Variants in DHRS13 observed in about 807,000 individuals in gnomAD.
DHRS13 encodes dehydrogenase/reductase 13.
Under a neutral mutation model 17.9 loss-of-function variants are expected in DHRS13, and 22 were observed. The observed-to-expected ratio is 1.23, with a 90% CI of 0.88 to 1.75. The LOEUF (loss-of-function observed/expected upper bound fraction) is 1.75. DHRS13 is among the 40% of genes most tolerant of loss of function. DHRS13 has a pLI of 0.00. For missense variants in DHRS13, 483 were observed against 519.9 expected, an observed-to-expected ratio of 0.93 and a Z score of 0.69; for synonymous variants, 206 against 220.4, an observed-to-expected ratio of 0.93 and a Z score of 0.58.
Position 28,900,318 on chromosome 17 carries a change from C to T in DHRS13, c.682+672G>A, listed in dbSNP as rs146455810. ...TGCTGGGATTACAGGCATGAGCCAC[C>T]GCTTCCAGCCCCTCTGCACTTATTA... On this transcript the variant is annotated intron_variant, in intron 4 of 4. Transcript: ENST00000378895. Among the ~76,000 whole-genome samples the T allele has an allele frequency of 5.3e-4, 81 of 152,350 alleles. 2 individuals carry two copies. In the South Asian group the frequency reaches 8.1e-3, roughly 15 times the overall value.
In DHRS13 at chr17:28,900,987, C is replaced by A. The variant is rs1308235716; in HGVS notation, c.682+3G>T. The A allele has an allele frequency of 6.3e-7, 1 of 1,584,266 alleles. No homozygotes were observed. Among genetic ancestry groups the A allele is most frequent in the South Asian group, 1.2e-5 (1 of 86,940 alleles). On this transcript the variant is annotated splice_donor_region_variant and intron_variant, in intron 4 of 4. Transcript: ENST00000378895. Reference sequence around the variant, plus strand: ...AATCGGAAGCCAAAGAACCAGACCTCACCTGGGTGGGCTGCATAGCAGGTG... The same window carrying A: ...AATCGGAAGCCAAAGAACCAGACCTAACCTGGGTGGGCTGCATAGCAGGTG...
Position 28,903,019 on chromosome 17 carries a change from C to G in DHRS13, c.-75G>C, listed in dbSNP as rs954961790. 2 of 1,272,498 alleles carry G rather than the reference C, an allele frequency of 1.6e-6. No individual in the cohort carries two copies. 78.8% of individuals were successfully genotyped at this position (1,272,498 alleles called of 1,614,324 possible). On this transcript the variant is annotated 5_prime_UTR_variant, in exon 1 of 5. Coordinates refer to ENST00000378895, the MANE Select transcript of DHRS13 (RefSeq NM_144683.4). The surrounding 1 kb of genome is among the most constrained non-coding windows in gnomAD (Gnocchi z 4.8). Reference sequence around the variant, plus strand: ...GCCGCCAGGCGGCTGCCGATCCGCCCTGCACAGGCCTGGAACGGCGCCCGG... The same window carrying G: ...GCCGCCAGGCGGCTGCCGATCCGCCGTGCACAGGCCTGGAACGGCGCCCGG...
In DHRS13 at chr17:28,898,695, C is replaced by T; in HGVS notation, c.880G>A (p.Ala294Thr). 3 of 1,613,776 alleles carry T rather than the reference C, an allele frequency of 1.9e-6. No individual in the cohort carries two copies. Among genetic ancestry groups the T allele is most frequent in the South Asian group, 1.1e-5 (1 of 90,992 alleles). ...CGATGGGCTGCCCGGTCGTCTCGGG[C>T]AGCTGGAGGCACCTCTTCCACATGG... ...NCHVEEVPPA[A>T]RDDRAAHRLW... Residue 294 changes from alanine (A) to threonine (T), a missense_variant, in exon 5 of 5, where the codon GCC (alanine) becomes ACC (threonine). Transcript: ENST00000378895.
At position 28,902,602 on chromosome 17, in the gene DHRS13, G is replaced by A. The variant is rs2039815063; in HGVS notation, c.227C>T (p.Ala76Val). 1.4e-6 allele frequency: 2 copies of A among 1,477,250 alleles called. No individual in the cohort carries two copies. The highest frequency in any genetic ancestry group is 1.5e-5 in the African/African-American group (1 of 68,202). The allele number at this position is 1,477,250 out of a possible 1,614,324, so 91.5% of individuals were successfully genotyped here. ...TCTCACCTGGCGGAGGTCGAAGGCA[G>A]CCGCCTCCCCGCGCTCCTGGCTGCG... Reference protein sequence around the residue: ...ACRSQERGEAAAFDLRQESGN... With the variant: ...ACRSQERGEAVAFDLRQESGN... The change falls in exon 2 of 5, where the codon GCT (alanine) becomes GTT (valine). Residue 76 changes from alanine to valine, a missense_variant. By Grantham distance (64) the Ala-to-Val change is moderately conservative (BLOSUM62 0). Transcript: ENST00000378895. The surrounding 1 kb of genome is among the most constrained non-coding windows in gnomAD (Gnocchi z 4.0).
Position 28,902,439 on chromosome 17 carries a change from G to T in DHRS13, c.246+144C>A. The stretch of plus-strand genomic sequence containing the variant: ...TGCGCCTTCCTCGGGTGACCCCAGC[G>T]CTCCGTGCACTCCCTCTTCGCGCTC... On this transcript the variant is annotated intron_variant, in intron 2 of 4. Transcript: ENST00000378895. This position sits in a 1 kb window ranked among gnomAD's most constrained non-coding sequence, Gnocchi z 4.0. 1.1e-6 allele frequency: 1 copy of T among 884,624 alleles called. No homozygotes were observed. Among genetic ancestry groups the T allele is most frequent in the Non-Finnish European group, 1.6e-6 (1 of 637,824 alleles). The allele number at this position is 884,624 out of a possible 1,614,324, so 54.8% of individuals were successfully genotyped here.
rs762759248 is a variant in DHRS13, at chr17:28,901,239, C to A, written c.433G>T (p.Gly145Cys). The change falls in exon 4 of 5, where the codon GGT becomes TGT. Residue 145 changes from glycine to cysteine, a missense_variant. Gly to Cys is a radical substitution (Grantham distance 159). Coordinates refer to ENST00000378895, the MANE Select transcript of DHRS13 (RefSeq NM_144683.4). This position sits in a 1 kb window ranked among gnomAD's most constrained non-coding sequence, Gnocchi z 4.3. ...FNLLLRVNHIGPFLLTHLLLP... is the reference protein window; with the variant it reads ...FNLLLRVNHICPFLLTHLLLP... ...AGCAGATGTGTCAGCAGAAAGGGACCGATATGGTTCACCCGAAGCAGCAGG... is the reference window on the plus strand; with the variant it reads ...AGCAGATGTGTCAGCAGAAAGGGACAGATATGGTTCACCCGAAGCAGCAGG... 1.9e-6 allele frequency: 3 copies of A among 1,614,104 alleles called. No individual in the cohort carries two copies. The highest frequency in any genetic ancestry group is 1.1e-5 in the South Asian group (1 of 91,078).
At position 28,901,589 on chromosome 17, in the gene DHRS13, TGAA is replaced by T. The variant is rs1567942671; in HGVS notation, c.271_273del (p.Phe91del). 1 of 1,614,226 alleles carries T rather than the reference TGAA, an allele frequency of 6.2e-7. No homozygotes were observed. The highest frequency in any genetic ancestry group is 8.5e-7 in the Non-Finnish European group (1 of 1,180,032). ...GCCAGACTGGCCAAGTCCAAGGCCA[TGAA>T]GATGACCTCATTGTTCCCACTCTCC... On this transcript the variant is annotated inframe_deletion, in exon 3 of 5. Transcript: ENST00000378895. This position sits in a 1 kb window ranked among gnomAD's most constrained non-coding sequence, Gnocchi z 4.3.
Position 28,901,107 on chromosome 17 carries a change from C to G in DHRS13, c.565G>C (p.Gly189Arg). The change falls in exon 4 of 5, where the codon GGC becomes CGC. Residue 189 changes from glycine (G) to arginine (R), a missense_variant. Coordinates refer to ENST00000378895, the MANE Select transcript of DHRS13 (RefSeq NM_144683.4). The surrounding 1 kb of genome is among the most constrained non-coding windows in gnomAD (Gnocchi z 4.3). ...TATGCCCGCAGCTCCTGCCGCCAGC[C>G]CACCACTGGGCGGTCCAGGCGTTTG... ...DFKRLDRPVV[G>R]WRQELRAYAD... The G allele has an allele frequency of 6.2e-7, 1 of 1,614,188 alleles. No individual in the cohort carries two copies. The highest frequency in any genetic ancestry group is 1.1e-5 in the South Asian group (1 of 91,086).
rs199664494 is a variant in DHRS13, at chr17:28,901,240, G to C, written c.432C>G (p.Ile144Met). ...AFNLLLRVNH[I>M]GPFLLTHLLL... ...GCAGATGTGTCAGCAGAAAGGGACC[G>C]ATATGGTTCACCCGAAGCAGCAGGT... The change falls in exon 4 of 5, where the codon ATC becomes ATG. Residue 144 changes from isoleucine to methionine, a missense_variant. Transcript: ENST00000378895. This position sits in a 1 kb window ranked among gnomAD's most constrained non-coding sequence, Gnocchi z 4.3. The C allele has an allele frequency of 1.5e-5, 25 of 1,614,154 alleles. No homozygotes were observed. Among genetic ancestry groups the C allele is most frequent in the Non-Finnish European group, 2.1e-5 (25 of 1,180,004 alleles).
Position 28,898,820 on chromosome 17 carries a change from C to G in DHRS13, c.755G>C (p.Trp252Ser), listed in dbSNP as rs1290966154. Residue 252 changes from tryptophan (W) to serine (S), a missense_variant, in exon 5 of 5, where the codon TGG becomes TCG. Transcript: ENST00000378895. ...WLRPLLRPLA[W>S]LVLRAPRGGA... ...CCCTCTTGGTGCCCGGAGCACCAGC[C>G]AAGCCAATGGGCGCAAAAGTGGGCG... The G allele has an allele frequency of 6.2e-7, 1 of 1,609,168 alleles. No homozygotes were observed. The highest frequency in any genetic ancestry group is 1.3e-5 in the African/African-American group (1 of 74,938).
In DHRS13 at chr17:28,902,630, A is replaced by G. The variant is rs987667805; in HGVS notation, c.199T>C (p.Cys67Arg). 3 of 1,453,848 alleles carry G rather than the reference A, an allele frequency of 2.1e-6. No homozygotes were observed. Among genetic ancestry groups the G allele is most frequent in the Non-Finnish European group, 2.7e-6 (3 of 1,110,558 alleles). 90.1% of individuals were successfully genotyped at this position (1,453,848 alleles called of 1,614,324 possible). A position where few individuals can be genotyped will look rare whatever the true frequency, so the allele number is the denominator to read the frequency against. ...GCCTCCCCGCGCTCCTGGCTGCGGCAGGCCAGCACCACGCGCGCTCCCCGG... is the reference window on the plus strand; with the variant it reads ...GCCTCCCCGCGCTCCTGGCTGCGGCGGGCCAGCACCACGCGCGCTCCCCGG... Reference protein sequence around the residue: ...ARRGARVVLACRSQERGEAAA... With the variant: ...ARRGARVVLARRSQERGEAAA... Residue 67 changes from cysteine to arginine, a missense_variant, in exon 2 of 5, where the codon TGC becomes CGC. Coordinates refer to ENST00000378895, the MANE Select transcript of DHRS13 (RefSeq NM_144683.4). The surrounding 1 kb of genome is among the most constrained non-coding windows in gnomAD (Gnocchi z 4.0).
In DHRS13 at chr17:28,899,554, A is replaced by T. The variant is rs1350491474; in HGVS notation, c.683-662T>A. ...CCCCAATTATCTCACTCAGAGTAAA[A>T]GCCAGAATGCCTATAGTGAACCTCC... is the stretch of plus-strand genomic sequence containing the variant. On this transcript the variant is annotated intron_variant, in intron 4 of 4. Coordinates refer to ENST00000378895, the MANE Select transcript of DHRS13 (RefSeq NM_144683.4). The surrounding 1 kb of genome is among the most constrained non-coding windows in gnomAD (Gnocchi z 4.7). 6.6e-6 allele frequency: 1 copy of T among 152,330 alleles called. No individual in the cohort carries two copies. Among genetic ancestry groups the T allele is most frequent in the East Asian group, 1.9e-4 (1 of 5,198 alleles). 9.4% of individuals were successfully genotyped at this position (152,330 alleles called of 1,614,324 possible).
At position 28,898,868 on chromosome 17, in the gene DHRS13, A is replaced by G. The variant is rs778103488; in HGVS notation, c.707T>C (p.Leu236Pro). The change falls in exon 5 of 5, where the codon CTG becomes CCG. Residue 236 changes from leucine to proline, a missense_variant. Transcript: ENST00000378895. ...GCGCAGCCATCCAGGAACATGGCGC[A>G]GGAACAGCTCCGAGTTCACAGGCCC... ...HPGPVNSELF[L>P]RHVPGWLRPL... 6.3e-7 allele frequency: 1 copy of G among 1,595,374 alleles called. No individual in the cohort carries two copies. Among genetic ancestry groups the G allele is most frequent in the Non-Finnish European group, 8.5e-7 (1 of 1,170,206 alleles).
In DHRS13 at chr17:28,902,766, G is replaced by T. The variant is rs1374391198; in HGVS notation, c.127+52C>A. 5.6e-6 allele frequency: 8 copies of T among 1,432,206 alleles called. No homozygotes were observed. The highest frequency in any genetic ancestry group is 2.9e-5 in the Admixed American group (1 of 34,808). 88.7% of individuals were successfully genotyped at this position (1,432,206 alleles called of 1,614,324 possible). A position where few individuals can be genotyped will look rare whatever the true frequency, so the allele number is the denominator to read the frequency against. On this transcript the variant is annotated intron_variant, in intron 1 of 4. Coordinates refer to ENST00000378895, the MANE Select transcript of DHRS13 (RefSeq NM_144683.4). The surrounding 1 kb of genome is among the most constrained non-coding windows in gnomAD (Gnocchi z 4.0). ...GCGGGCCGCTGCTACCGCCGGCCCG[G>T]CCTCCTCTCCGCGCGCCCCGCCAGC...
chr17:28,898,224 T>G lies in DHRS13; in HGVS notation c.*217A>C. ...AGAAGCACAGTGTCTAGCATACCCC[T>G]ATCTCTCCATCTGGGGTTACTGTCA... On this transcript the variant is annotated 3_prime_UTR_variant, in exon 5 of 5. Transcript: ENST00000378895. The G allele has an allele frequency of 1.7e-6, 1 of 578,564 alleles. No individual in the cohort carries two copies. The highest frequency in any genetic ancestry group is 2.3e-5 in the South Asian group (1 of 43,020). The allele number at this position is 578,564 out of a possible 1,614,324, so 35.8% of individuals were successfully genotyped here.
chr17:28,902,585 G>T lies in DHRS13; in HGVS notation c.244C>A (p.Gln82Lys), dbSNP rs2152652844. 1 of 1,479,694 alleles carries T rather than the reference G, an allele frequency of 6.8e-7. No homozygotes were observed. The highest frequency in any genetic ancestry group is 2.4e-5 in the Admixed American group (1 of 42,522). 91.7% of individuals were successfully genotyped at this position (1,479,694 alleles called of 1,614,324 possible). ...CACGCGCCCCCGCTGCCTCTCACCT[G>T]GCGGAGGTCGAAGGCAGCCGCCTCC... is the stretch of plus-strand genomic sequence containing the variant. ...RGEAAAFDLR[Q>K]ESGNNEVIFM... The change falls in exon 2 of 5, where the codon CAG (glutamine) becomes AAG (lysine). Residue 82 changes from glutamine (Q) to lysine (K), a missense_variant and splice_region_variant. By Grantham distance (53) the Gln-to-Lys change is moderately conservative. Coordinates refer to ENST00000378895, the MANE Select transcript of DHRS13 (RefSeq NM_144683.4). The surrounding 1 kb of genome is among the most constrained non-coding windows in gnomAD (Gnocchi z 4.0).
intron 4 of DHRS13, 80 bp downstream of exon 4, chr17:28,900,910 G>A: frequency 7.0e-7 from 1 of 1,419,754 alleles, no homozygotes; most frequent in Non-Finnish European, 9.5e-7. Flanking sequence ...TGGAGGGTGG[G>A]GAGGCGGTAG....
chr17:28,898,461 G>C lies in DHRS13; in HGVS notation c.1114C>G (p.Pro372Ala). ...MTHRIQAKVE[P>A]EIQLS The stretch of plus-strand genomic sequence containing the variant: ...GAGGGTTAGGAGAGCTGGATCTCAG[G>C]CTCAACTTTAGCCTGAATTCGGTGC... Residue 372 changes from proline (P) to alanine (A), a missense_variant, in exon 5 of 5, where the codon CCT becomes GCT. By Grantham distance (27) the Pro-to-Ala change is conservative (BLOSUM62 -1). Coordinates refer to ENST00000378895, the MANE Select transcript of DHRS13 (RefSeq NM_144683.4). The C allele has an allele frequency of 6.4e-7, 1 of 1,560,506 alleles. No homozygotes were observed. Among genetic ancestry groups the C allele is most frequent in the Non-Finnish European group, 8.7e-7 (1 of 1,151,666 alleles).
Position 28,898,404 on chromosome 17 carries a change from A to G in DHRS13, c.*37T>C, listed in dbSNP as rs552106812. 768 of 1,539,288 alleles carry G rather than the reference A, an allele frequency of 5.0e-4. 14 individuals are homozygous for G. The South Asian group carries it at 8.7e-3, about 17-fold the overall frequency. ...TCGCACACATCCGAGGTTTTCAAGG[A>G]CCATGAAGTGCCATGGCAAGCATCC... On this transcript the variant is annotated 3_prime_UTR_variant, in exon 5 of 5. Coordinates refer to ENST00000378895, the MANE Select transcript of DHRS13 (RefSeq NM_144683.4).
Sources: allele counts gnomAD v4.1 joint callset (sites outside exome capture counted in the v4.1 genomes callset), GRCh38; gene constraint gnomAD v4.1.1; non-coding constraint Gnocchi (gnomAD v3.1); transcripts MANE v1.5; gene names NCBI Gene and HGNC (gene_info 2026-07-23, HGNC 2026-07-21).